ITGBL1: variants seen among roughly 807,000 people sequenced by gnomAD.
ITGBL1 encodes integrin subunit beta like 1.
ITGBL1 carries 51 observed loss-of-function variants against 68.5 expected under a neutral mutation model. The observed-to-expected ratio is 0.74, with a 90% CI of 0.59 to 0.94. The LOEUF is 0.94. Ranked by LOEUF, ITGBL1 falls within the 40% of genes least tolerant of loss-of-function variation. ITGBL1 has a pLI of 0.00. For synonymous variants in ITGBL1, 209 were observed against 227.3 expected, an observed-to-expected ratio of 0.92 and a Z score of 0.72; for missense variants, 649 against 647.4, an observed-to-expected ratio of 1.00 and a Z score of -0.03.
At chr13:101,588,959 C>A (rs1460560660) in intron 6 of ITGBL1, among the ~76,000 whole-genome samples, 3 of 152,084 alleles carry the variant, frequency 2.0e-5, no homozygotes, top group African/African-American at 7.2e-5. Flanking sequence ...AATCTGGTAC[C>A]AACACCTGAT....
chr13:101,529,709 G>C (rs975255709), intron 2 of ITGBL1, among the ~76,000 whole-genome samples: 4 of 152,170 alleles, frequency 2.6e-5, no homozygotes, highest in Admixed American at 6.5e-5. Flanking sequence ...GAGCTCTCAT[G>C]ATATCTGATG....
chr13:101,602,434 T>G (rs149836088), intron 7 of ITGBL1, among the ~76,000 whole-genome samples: 1 of 152,132 alleles, frequency 6.6e-6, no homozygotes, highest in East Asian at 1.9e-4. Flanking sequence ...ATAACAAAGT[T>G]AATATGAAAT....
intron 7 of ITGBL1, among the ~76,000 whole-genome samples, chr13:101,627,289 A>G (rs534771169): frequency 6.6e-6 from 1 of 152,134 alleles, no homozygotes; most frequent in East Asian, 1.9e-4. Flanking sequence ...TTTTTGTAAT[A>G]CACTTTATTT....
chr13:101,602,085 T>TGTTCAATTTCAG (rs1162929445), intron 7 of ITGBL1, among the ~76,000 whole-genome samples: 1 of 152,094 alleles, frequency 6.6e-6, no homozygotes, highest in African/African-American at 2.4e-5. Flanking sequence ...CCTTAAGGTA[T>TGTTCAATTTCAG]GTTCAATTTC....
At position 101,564,619 on chromosome 13, in the gene ITGBL1, T is replaced by TGA. The variant is rs2050152975; in HGVS notation, c.317-3079_317-3078dup. Among the ~76,000 whole-genome samples the TGA allele has an allele frequency of 2.8e-4, 14 of 50,346 alleles. No homozygotes were observed. The South Asian group carries it at 9.4e-3, about 34-fold the overall frequency. 33.0% of individuals were successfully genotyped at this position (50,346 alleles called of 152,430 possible). On this transcript the variant is annotated intron_variant, in intron 2 of 10. Coordinates refer to ENST00000376180, the MANE Select transcript of ITGBL1 (RefSeq NM_004791.3). ...TATGCATGTATATATGTGTATATGT[T>TGA]GATATATATATATGTTTTTATATAT... is the stretch of plus-strand genomic sequence containing the variant.
At chr13:101,536,203 A>G (rs1463179740) in intron 2 of ITGBL1, among the ~76,000 whole-genome samples, 1 of 151,962 alleles carries the variant, frequency 6.6e-6, no homozygotes, top group African/African-American at 2.4e-5. Context: ...TCAAAAGACT[A>G]GGCTATACTT....
intron 2 of ITGBL1, among the ~76,000 whole-genome samples, chr13:101,540,978 T>C (rs1173086275): frequency 8.9e-6 from 1 of 112,322 alleles, no homozygotes; most frequent in Non-Finnish European, 1.9e-5. Flanking sequence ...GTTTTCTAGA[T>C]ATACAATCAC....
At chr13:101,543,845 C>G (rs962696085) in intron 2 of ITGBL1, among the ~76,000 whole-genome samples, 1 of 152,200 alleles carries the variant, frequency 6.6e-6, no homozygotes, top group Non-Finnish European at 1.5e-5. Context: ...TTGATCAAAT[C>G]GGCTACTGAG....
Position 101,714,465 on chromosome 13 carries a change from G to A in ITGBL1, c.1307G>A (p.Cys436Tyr). Residue 436 changes from cysteine (C) to tyrosine (Y), a missense_variant, in exon 10 of 11, where the codon TGT becomes TAT. Physicochemically the swap from Cys to Tyr is radical, Grantham distance 194 (BLOSUM62 -2). Transcript: ENST00000376180. ...TCTTGTCATTGTGGGAAGTGCATTT[G>A]TTCTGCTGAAGAGTGGTATATTTCT... is the stretch of plus-strand genomic sequence containing the variant. ...KGSCHCGKCI[C>Y]SAEEWYISGE... is the part of the protein sequence containing the mutation. 1 of 1,611,052 alleles carries A rather than the reference G, an allele frequency of 6.2e-7. No individual in the cohort carries two copies. Among genetic ancestry groups the A allele is most frequent in the Admixed American group, 1.7e-5 (1 of 60,012 alleles).
chr13:101,475,667 C>A (rs1021893676), intron 2 of ITGBL1, among the ~76,000 whole-genome samples: 1 of 151,842 alleles, frequency 6.6e-6, no homozygotes, highest in Admixed American at 6.6e-5. Flanking sequence ...AGAAAAGATT[C>A]TTAAATTAGC....
chr13:101,681,165 C>T (rs779030294), intron 7 of ITGBL1, among the ~76,000 whole-genome samples: 5 of 152,146 alleles, frequency 3.3e-5, no homozygotes, highest in African/African-American at 4.8e-5. Flanking sequence ...TAAACCTATT[C>T]TTCAGCAAGA....
intron 2 of ITGBL1, among the ~76,000 whole-genome samples, chr13:101,476,064 G>A (rs1030307952): frequency 2.0e-5 from 3 of 152,106 alleles, no homozygotes; most frequent in African/African-American, 2.4e-5. Flanking sequence ...TTATAGCACT[G>A]TAATTGTGTG....
chr13:101,580,211 C>CT (rs1197420586), intron 5 of ITGBL1, among the ~76,000 whole-genome samples: 2 of 152,034 alleles, frequency 1.3e-5, no homozygotes, highest in African/African-American at 4.8e-5. Flanking sequence ...AGCTGGAAAA[C>CT]TTTTTTTCAT....
At chr13:101,669,954 T>G (rs1478491015) in intron 7 of ITGBL1, among the ~76,000 whole-genome samples, 1 of 152,170 alleles carries the variant, frequency 6.6e-6, no homozygotes, top group African/African-American at 2.4e-5. Context: ...TTCATATTGT[T>G]AAAGTTGTGA....
intron 2 of ITGBL1, among the ~76,000 whole-genome samples, chr13:101,516,055 CT>C (rs906294318): frequency 6.6e-6 from 1 of 152,010 alleles, no homozygotes; most frequent in African/African-American, 2.4e-5. Context: ...ATCTGTTCCC[CT>C]TTTTTTATCC....
chr13:101,679,870 G>A (rs1039636790), intron 7 of ITGBL1, among the ~76,000 whole-genome samples: 5 of 152,284 alleles, frequency 3.3e-5, no homozygotes, highest in Middle Eastern at 3.4e-3. Flanking sequence ...GACACTCTAA[G>A]ACAGAGAAGA....
At chr13:101,716,818 C>A, downstream of ITGBL1, 1 of 149,298 alleles carries the variant, frequency 6.7e-6, no homozygotes. Flanking sequence ...CTAGAAATGG[C>A]TTAAATAGAA....
At chr13:101,658,820 G>T (rs2033002283) in intron 7 of ITGBL1, among the ~76,000 whole-genome samples, 1 of 152,002 alleles carries the variant, frequency 6.6e-6, no homozygotes, top group Admixed American at 6.6e-5. Flanking sequence ...GGTTTCCTAA[G>T]CAGCGGAGCA....
At chr13:101,602,779 G>C (rs2030465750) in intron 7 of ITGBL1, among the ~76,000 whole-genome samples, 1 of 151,896 alleles carries the variant, frequency 6.6e-6, no homozygotes, top group East Asian at 1.9e-4. Flanking sequence ...TTGTCTCTAT[G>C]GACTTGTCTA....
Sources: gnomAD v4.1 joint callset for allele counts (sites outside exome capture counted in the v4.1 genomes callset) on GRCh38, gnomAD v4.1.1 for gene constraint, MANE v1.5 for transcripts, NCBI Gene and HGNC (gene_info 2026-07-23, HGNC 2026-07-21) for gene names.